Variants in PCDH15 observed in about 807,000 individuals in gnomAD.
The protein encoded by PCDH15 is protocadherin related 15, also known as protocadherin-15.
A neutral mutation model predicts 178.5 loss-of-function variants in PCDH15; 129 were observed. That is an observed-to-expected ratio of 0.72 (90% CI 0.63 to 0.84). The LOEUF is 0.84. Ranked by LOEUF, PCDH15 falls within the 40% of genes least tolerant of loss-of-function variation. The pLI is 0.00. For missense variants in PCDH15, 2,230 were observed against 2,099.9 expected (o/e 1.06, Z -1.21); for synonymous variants, 800 against 732.0 (o/e 1.09, Z -1.50).
At chr10:55,454,780 CAAAAA>C (rs10606669) in intron 2 of PCDH15, among the ~76,000 whole-genome samples, 4 of 98,384 alleles carry the variant, frequency 4.1e-5, no homozygotes, top group Admixed American at 1.1e-4. Context: ...GACTCTGTCT[CAAAAA>C]AAAAAAAAAA....
intron 9 of PCDH15, among the ~76,000 whole-genome samples, chr10:54,226,987 G>T (rs1425541803): frequency 6.6e-6 from 1 of 152,214 alleles, no homozygotes; most frequent in South Asian, 2.1e-4. Context: ...TTGCTTTGCA[G>T]AGTGTAGCCC....
At chr10:54,816,756 A>G (rs1461317390) in intron 3 of PCDH15, among the ~76,000 whole-genome samples, 3 of 152,082 alleles carry the variant, frequency 2.0e-5, no homozygotes, top group African/African-American at 7.2e-5. Context: ...TGAATTATAA[A>G]TATGCAACTG....
intron 2 of PCDH15, among the ~76,000 whole-genome samples, chr10:55,555,723 G>C (rs1025828253): frequency 1.3e-5 from 2 of 152,084 alleles, no homozygotes; most frequent in Admixed American, 1.3e-4. Flanking sequence ...AGGGTGCTTA[G>C]TGGATTTTTT....
At chr10:54,754,795 C>T (rs10128198) in intron 1 of PCDH15, among the ~76,000 whole-genome samples, 76,129 of 151,850 alleles carry the variant, frequency 0.5, 19,630 homozygotes, top group Middle Eastern at 0.67. Flanking sequence ...GCTCACAAAA[C>T]AATTGATTAT....
intron 2 of PCDH15, among the ~76,000 whole-genome samples, chr10:55,066,198 C>T (rs935677346): frequency 1.3e-5 from 2 of 149,840 alleles, no homozygotes; most frequent in South Asian, 2.1e-4. Flanking sequence ...CTTATTTCTC[C>T]CTTAATATCT....
intron 37 of PCDH15, chr10:53,808,643 C>T: frequency 6.4e-7 from 1 of 1,573,432 alleles, no homozygotes; most frequent in Non-Finnish European, 8.6e-7. Flanking sequence ...GAAGGCACTG[C>T]ACACGAGAGC....
chr10:54,751,553 C>G (rs946490382), intron 1 of PCDH15, among the ~76,000 whole-genome samples: 5 of 152,008 alleles, frequency 3.3e-5, no homozygotes, highest in African/African-American at 1.2e-4. Context: ...CCCTTAAAAC[C>G]GTCTAGTTCA....
Position 53,857,156 on chromosome 10 carries a change from A to G in PCDH15, c.3806+19T>C, listed in dbSNP as rs769403997. On this transcript the variant is annotated intron_variant, in intron 28 of 37. Transcript: ENST00000644397. The stretch of plus-strand genomic sequence containing the variant: ...ATGGTCATATAAAAATAAATATATA[A>G]GGAGACAAAATCAATTACTCTGTAA... 23 of 1,495,658 alleles carry G rather than the reference A, an allele frequency of 1.5e-5. No individual in the cohort carries two copies. The highest frequency in any genetic ancestry group is 2.1e-5 in the Non-Finnish European group (23 of 1,074,556). 92.6% of individuals were successfully genotyped at this position (1,495,658 alleles called of 1,614,324 possible). A position where few individuals can be genotyped will look rare whatever the true frequency, so the allele number is the denominator to read the frequency against.
chr10:54,207,177 T>C (rs1314201942), intron 10 of PCDH15, among the ~76,000 whole-genome samples: 2 of 152,224 alleles, frequency 1.3e-5, no homozygotes, highest in East Asian at 1.9e-4. Flanking sequence ...CTATTTCTGT[T>C]CTAACACTGC....
chr10:54,770,867 G>C (rs1949011665), intron 1 of PCDH15, among the ~76,000 whole-genome samples: 1 of 151,904 alleles, frequency 6.6e-6, no homozygotes, highest in South Asian at 2.1e-4. Context: ...AGTTTTGATT[G>C]TTCAAAATTT....
chr10:54,589,553 T>C (rs1341213971), intron 2 of PCDH15, among the ~76,000 whole-genome samples: 1 of 152,254 alleles, frequency 6.6e-6, no homozygotes, highest in African/African-American at 2.4e-5. Context: ...TTATCATTTA[T>C]GTCTATCAAT....
chr10:55,369,699 C>G (rs553980662), intron 2 of PCDH15, among the ~76,000 whole-genome samples: 2 of 152,106 alleles, frequency 1.3e-5, no homozygotes, highest in African/African-American at 4.8e-5. Flanking sequence ...TATATTAAGA[C>G]TTCTTCCACA....
At chr10:54,786,751 C>A (rs1052970892) in intron 1 of PCDH15, among the ~76,000 whole-genome samples, 1 of 151,726 alleles carries the variant, frequency 6.6e-6, no homozygotes, top group Admixed American at 6.6e-5. Flanking sequence ...ATCATTTAGT[C>A]TTCAATATAT....
intron 10 of PCDH15, among the ~76,000 whole-genome samples, chr10:54,196,752 C>T (rs1173691406): frequency 1.3e-5 from 2 of 152,030 alleles, no homozygotes; most frequent in Non-Finnish European, 2.9e-5. Flanking sequence ...GTGGTGAGGG[C>T]AGAGCCCTCA....
chr10:54,356,506 T>C (rs527672132), intron 5 of PCDH15, among the ~76,000 whole-genome samples: 3 of 151,738 alleles, frequency 2.0e-5, no homozygotes, highest in East Asian at 3.9e-4. Flanking sequence ...ATAGTATACA[T>C]TATATATAAT....
intron 2 of PCDH15, among the ~76,000 whole-genome samples, chr10:54,616,058 A>G (rs1329045970): frequency 6.6e-6 from 1 of 152,078 alleles, no homozygotes; most frequent in Non-Finnish European, 1.5e-5. Context: ...TTTTGAGTAG[A>G]AATAAATTTT....
intron 3 of PCDH15, among the ~76,000 whole-genome samples, chr10:54,413,355 G>A (rs1451441604): frequency 6.6e-6 from 1 of 152,112 alleles, no homozygotes; most frequent in Admixed American, 6.6e-5. Context: ...AAGGTCATCT[G>A]AGTTGCTGTT....
At chr10:55,406,285 C>A (rs1310779247) in intron 2 of PCDH15, among the ~76,000 whole-genome samples, 2 of 151,832 alleles carry the variant, frequency 1.3e-5, no homozygotes, top group Non-Finnish European at 2.9e-5. Context: ...AAGTGAACAC[C>A]CACTTGTATA....
At chr10:55,555,048 G>A (rs962934864) in intron 2 of PCDH15, among the ~76,000 whole-genome samples, 3 of 151,888 alleles carry the variant, frequency 2.0e-5, no homozygotes, top group Non-Finnish European at 4.4e-5. Flanking sequence ...AAGAAAATCA[G>A]TATTTCCATA....
Sources: allele counts gnomAD v4.1 joint callset (sites outside exome capture counted in the v4.1 genomes callset), GRCh38; gene constraint gnomAD v4.1.1; transcripts MANE v1.5; gene names NCBI Gene and HGNC (gene_info 2026-07-23, HGNC 2026-07-21).